SLC41A2: variants seen among roughly 807,000 people sequenced by gnomAD.
SLC41A2 encodes solute carrier family 41 member 2.
SLC41A2 carries 32 observed loss-of-function variants against 58.3 expected under a neutral mutation model. That is an observed-to-expected ratio of 0.55 (90% CI 0.41 to 0.74). The LOEUF (loss-of-function observed/expected upper bound fraction) is 0.74, where lower values mean the gene tolerates loss of function less well. SLC41A2 is among the 30% of genes least tolerant of loss of function. The pLI, the probability that SLC41A2 is intolerant of heterozygous loss-of-function variation, is 0.00. For missense variants in SLC41A2, 514 were observed against 680.6 expected, an observed-to-expected ratio of 0.76 and a Z score of 2.72; for synonymous variants, 190 against 235.0, an observed-to-expected ratio of 0.81 and a Z score of 1.75.
At chr12:104,813,456 A>G (rs2041260728) in intron 10 of SLC41A2, among the ~76,000 whole-genome samples, 1 of 152,208 alleles carries the variant, frequency 6.6e-6, no homozygotes, top group Non-Finnish European at 1.5e-5. Context: ...CTAGAAGTCA[A>G]TAGATAATTT....
intron 1 of SLC41A2, among the ~76,000 whole-genome samples, chr12:104,932,427 C>G (rs1036634300): frequency 1.3e-5 from 2 of 151,900 alleles, no homozygotes; most frequent in African/African-American, 4.8e-5. Flanking sequence ...GGAGTTGGAA[C>G]CAGCTTGGGC....
chr12:104,836,485 T>C (rs2042212373), intron 10 of SLC41A2, among the ~76,000 whole-genome samples: 1 of 152,216 alleles, frequency 6.6e-6, no homozygotes, highest in Non-Finnish European at 1.5e-5. Context: ...GTGAAGCATA[T>C]AAAATGGCTT....
intron 10 of SLC41A2, among the ~76,000 whole-genome samples, chr12:104,817,458 T>C (rs946026903): frequency 5.9e-5 from 9 of 152,206 alleles, no homozygotes; most frequent in Admixed American, 5.9e-4. Flanking sequence ...ATAAATTTTT[T>C]AATTGTTTTT....
intron 1 of SLC41A2, among the ~76,000 whole-genome samples, chr12:104,929,483 T>C (rs948395414): frequency 2.0e-5 from 3 of 152,246 alleles, no homozygotes; most frequent in African/African-American, 7.2e-5. Flanking sequence ...CTCTGGCCCA[T>C]AATCCCAGGG....
intron 1 of SLC41A2, among the ~76,000 whole-genome samples, chr12:104,947,707 C>T (rs935055095): frequency 6.6e-6 from 1 of 151,550 alleles, no homozygotes; most frequent in African/African-American, 2.4e-5. Flanking sequence ...CATATATATA[C>T]CAAAAAGTAC....
At chr12:104,882,709 C>T (rs1227385958) in intron 6 of SLC41A2, among the ~76,000 whole-genome samples, 1 of 152,170 alleles carries the variant, frequency 6.6e-6, no homozygotes, top group Non-Finnish European at 1.5e-5. Context: ...GATGGGCTTC[C>T]CTTTGTGGGT....
At chr12:104,849,290 A>G (rs777632931) in intron 8 of SLC41A2, among the ~76,000 whole-genome samples, 13 of 152,220 alleles carry the variant, frequency 8.5e-5, no homozygotes, top group Non-Finnish European at 1.8e-4. Flanking sequence ...TTCAACACGT[A>G]TAATTGTCAA....
chr12:104,905,845 A>C (rs933677587), intron 3 of SLC41A2, among the ~76,000 whole-genome samples: 1 of 152,218 alleles, frequency 6.6e-6, no homozygotes, highest in Non-Finnish European at 1.5e-5. Flanking sequence ...CCGGAACTCC[A>C]GCTGGCCCGC....
chr12:104,942,374 A>T (rs2047545320), intron 1 of SLC41A2, among the ~76,000 whole-genome samples: 2 of 151,870 alleles, frequency 1.3e-5, no homozygotes, highest in Non-Finnish European at 2.9e-5. Flanking sequence ...GCTACTCTGG[A>T]GACTGAGGTG....
At position 104,896,127 on chromosome 12, in the gene SLC41A2, A is replaced by T. The variant is rs184576172; in HGVS notation, c.664-782T>A. The stretch of plus-strand genomic sequence containing the variant: ...GCTATGAAAGACTTTCTTTCAAATG[A>T]TCTATAGATAAGTTGATAAAGAGGA... On this transcript the variant is annotated intron_variant, in intron 3 of 10. Coordinates refer to ENST00000258538, the MANE Select transcript of SLC41A2 (RefSeq NM_001352171.3). Among the ~76,000 whole-genome samples the T allele has an allele frequency of 2.1e-3, 316 of 152,306 alleles. 4 individuals are homozygous for T. Among genetic ancestry groups the T allele is most frequent in the Non-Finnish European group, 3.6e-3 (246 of 68,012 alleles).
At chr12:104,899,996 T>C (rs1405223673) in intron 3 of SLC41A2, among the ~76,000 whole-genome samples, 1 of 152,166 alleles carries the variant, frequency 6.6e-6, no homozygotes, top group East Asian at 1.9e-4. Context: ...ATCTTATACT[T>C]AGATTTTGGA....
intron 1 of SLC41A2, among the ~76,000 whole-genome samples, chr12:104,944,945 C>T (rs1398131380): frequency 6.6e-6 from 1 of 150,742 alleles, no homozygotes; most frequent in African/African-American, 2.4e-5. Context: ...CCAAAGTGGG[C>T]ATATCACGTG....
intron 8 of SLC41A2, among the ~76,000 whole-genome samples, chr12:104,859,104 G>A (rs888317719): frequency 1.9e-4 from 29 of 152,270 alleles, no homozygotes; most frequent in East Asian, 7.7e-4. Flanking sequence ...ATTCCAGGCA[G>A]TGAAAATTAG....
intron 8 of SLC41A2, among the ~76,000 whole-genome samples, chr12:104,860,005 A>G (rs925164680): frequency 6.6e-6 from 1 of 152,156 alleles, no homozygotes; most frequent in Non-Finnish European, 1.5e-5. Context: ...GGCCTCGCAA[A>G]GTACTGGGAT....
At chr12:104,861,405 G>T in intron 7 of SLC41A2, 35 bp from the exon 8 acceptor site, 1 of 1,476,962 alleles carries the variant, frequency 6.8e-7, no homozygotes, top group East Asian at 2.3e-5. Flanking sequence ...TTAGAGAAGA[G>T]GGAAGAGAAC....
intron 8 of SLC41A2, among the ~76,000 whole-genome samples, chr12:104,848,048 A>G (rs1490553339): frequency 6.6e-6 from 1 of 152,206 alleles, no homozygotes; most frequent in Non-Finnish European, 1.5e-5. Context: ...TACATTTCAC[A>G]CATGCACTCA....
chr12:104,886,108 C>A (rs115741069), intron 6 of SLC41A2, among the ~76,000 whole-genome samples, 185 bp downstream of exon 6: 1 of 151,622 alleles, frequency 6.6e-6, no homozygotes, highest in African/African-American at 2.4e-5. Flanking sequence ...TTAAACTCTA[C>A]GAGAAAAAAG....
chr12:104,820,730 C>A (rs1415709308), intron 10 of SLC41A2, among the ~76,000 whole-genome samples: 1 of 152,182 alleles, frequency 6.6e-6, no homozygotes, highest in African/African-American at 2.4e-5. Context: ...CAACCTCCCC[C>A]TCCTGGGTTC....
chr12:104,946,115 C>A lies in SLC41A2; in HGVS notation c.-168+11973G>T, dbSNP rs1427164003. Among the ~76,000 whole-genome samples, 10 of 152,262 alleles carry A rather than the reference C, an allele frequency of 6.6e-5. No individual in the cohort carries two copies. The East Asian group carries it at 1.7e-3, about 26-fold the overall frequency. On this transcript the variant is annotated intron_variant, in intron 1 of 10. Transcript: ENST00000258538. ...TTTCTAGTGCTCAAACATGCTTCGACTGCATATTAAGCATTATTCCCAGGG... is the reference window on the plus strand; with the variant it reads ...TTTCTAGTGCTCAAACATGCTTCGAATGCATATTAAGCATTATTCCCAGGG...
Sources: allele counts gnomAD v4.1 joint callset (sites outside exome capture counted in the v4.1 genomes callset), GRCh38; gene constraint gnomAD v4.1.1; transcripts MANE v1.5; gene names NCBI Gene and HGNC (gene_info 2026-07-23, HGNC 2026-07-21).